The following SGCZ variants were observed in gnomAD, a reference collection of about 807,000 sequenced individuals.
SGCZ encodes the protein zeta-sarcoglycan.
Under a neutral mutation model 41.3 loss-of-function variants are expected in SGCZ, and 40 were observed. The observed-to-expected ratio is 0.97, with a 90% CI of 0.75 to 1.26. The LOEUF (loss-of-function observed/expected upper bound fraction) is 1.26. Ranked by LOEUF, SGCZ falls within the 50% of genes most tolerant of loss-of-function variation. The pLI is 0.00. For synonymous variants in SGCZ, 206 were observed against 137.5 expected, an observed-to-expected ratio of 1.50 and a Z score of -3.49; for missense variants, 552 against 369.8, an observed-to-expected ratio of 1.49 and a Z score of -4.04.
At chr8:14,555,210 G>A (rs950364987) in intron 1 of SGCZ, among the ~76,000 whole-genome samples, 7 of 151,880 alleles carry the variant, frequency 4.6e-5, no homozygotes, top group South Asian at 2.1e-4. Flanking sequence ...CCCTTGGGAG[G>A]CTCAGGTCTA....
At chr8:14,111,003 G>C (rs975398444) in intron 5 of SGCZ, among the ~76,000 whole-genome samples, 2 of 152,012 alleles carry the variant, frequency 1.3e-5, no homozygotes, top group Non-Finnish European at 2.9e-5. Flanking sequence ...GCAGTGAGCT[G>C]AGATTGCACC....
intron 3 of SGCZ, among the ~76,000 whole-genome samples, chr8:14,289,883 G>A (rs183930668): frequency 7.0e-4 from 106 of 151,900 alleles, no homozygotes; most frequent in African/African-American, 2.5e-3. Flanking sequence ...GCATAGCTGG[G>A]GAGGCCTCTG....
At chr8:14,594,930 A>T (rs1186712374) in intron 1 of SGCZ, among the ~76,000 whole-genome samples, 3 of 151,934 alleles carry the variant, frequency 2.0e-5, no homozygotes, top group Non-Finnish European at 4.4e-5. Context: ...TTGATAACTC[A>T]ATAGAGACTT....
intron 1 of SGCZ, among the ~76,000 whole-genome samples, chr8:15,176,337 A>G (rs113606284): frequency 7.9e-5 from 12 of 152,230 alleles, no homozygotes; most frequent in African/African-American, 2.9e-4. Context: ...AACATGTTAC[A>G]TGTTATGTTT....
intron 1 of SGCZ, among the ~76,000 whole-genome samples, chr8:14,723,041 A>G (rs1231285636): frequency 6.6e-6 from 1 of 152,114 alleles, no homozygotes; most frequent in Non-Finnish European, 1.5e-5. Flanking sequence ...GTTTGTTTCT[A>G]TTGTTTATGT....
At chr8:14,160,180 C>T (rs981657) in intron 5 of SGCZ, among the ~76,000 whole-genome samples, 150,078 of 152,336 alleles carry the variant, frequency 0.99, 73,961 homozygotes, top group East Asian at 1. Context: ...AGAAAAAAAA[C>T]AGGTCTAGAT....
chr8:15,007,880 C>T (rs12680576), intron 1 of SGCZ, among the ~76,000 whole-genome samples: 85,418 of 151,900 alleles, frequency 0.56, 24,583 homozygotes, highest in Middle Eastern at 0.67. Flanking sequence ...ATAATCATAA[C>T]GTGTTATAAA....
intron 5 of SGCZ, among the ~76,000 whole-genome samples, chr8:14,131,783 AT>A: frequency 6.6e-6 from 1 of 152,264 alleles, no homozygotes; most frequent in Admixed American, 6.5e-5. Context: ...TTAATATTGT[AT>A]TTTTATAGTA....
At chr8:14,287,251 A>C (rs1305064157) in intron 3 of SGCZ, among the ~76,000 whole-genome samples, 1 of 151,684 alleles carries the variant, frequency 6.6e-6, no homozygotes, top group Non-Finnish European at 1.5e-5. Context: ...ATTACATAAT[A>C]TCAAAAAAAT....
chr8:14,554,396 T>C (rs1358742828), intron 2 of SGCZ, among the ~76,000 whole-genome samples: 2 of 152,022 alleles, frequency 1.3e-5, no homozygotes, highest in Non-Finnish European at 2.9e-5. Flanking sequence ...AAGTATCACT[T>C]CTAAAAGCAG....
chr8:14,102,823 G>A (rs1182946922), intron 6 of SGCZ, among the ~76,000 whole-genome samples: 2 of 152,102 alleles, frequency 1.3e-5, no homozygotes, highest in African/African-American at 2.4e-5. Flanking sequence ...GGTGTGATAA[G>A]TATACTTGCT....
chr8:14,154,352 T>C (rs759919874), intron 5 of SGCZ, among the ~76,000 whole-genome samples: 125 of 151,122 alleles, frequency 8.3e-4, no homozygotes, highest in Middle Eastern at 3.4e-3. Context: ...CTGAGCGACA[T>C]AGCAAGACTC....
At chr8:14,103,776 AT>A (rs796376469) in intron 6 of SGCZ, among the ~76,000 whole-genome samples, 2 of 151,944 alleles carry the variant, frequency 1.3e-5, no homozygotes, top group East Asian at 1.9e-4. Context: ...AAACGTCTGT[AT>A]TTTTTTTATT....
chr8:14,626,396 C>T (rs1307194132), intron 1 of SGCZ, among the ~76,000 whole-genome samples: 5 of 152,046 alleles, frequency 3.3e-5, no homozygotes, highest in Non-Finnish European at 5.9e-5. Context: ...TCTCTCTCCT[C>T]CTACTTTTAG....
chr8:14,327,773 G>A (rs1462978160), intron 2 of SGCZ, among the ~76,000 whole-genome samples: 1 of 152,124 alleles, frequency 6.6e-6, no homozygotes, highest in African/African-American at 2.4e-5. Flanking sequence ...CTCTGTAAAT[G>A]TAGGACTGTT....
At chr8:14,248,237 T>C (rs1303158235) in intron 3 of SGCZ, among the ~76,000 whole-genome samples, 2 of 152,206 alleles carry the variant, frequency 1.3e-5, no homozygotes, top group Middle Eastern at 3.2e-3. Context: ...TTCTGTAGTA[T>C]TGCATGCTTA....
intron 3 of SGCZ, among the ~76,000 whole-genome samples, chr8:14,298,580 A>G (rs1274309365): frequency 6.6e-6 from 1 of 152,034 alleles, no homozygotes; most frequent in Non-Finnish European, 1.5e-5. Flanking sequence ...ACTTAATACC[A>G]TTTATTACAA....
At chr8:14,650,912 ATATT>A (rs1269585809) in intron 1 of SGCZ, among the ~76,000 whole-genome samples, 5 of 152,120 alleles carry the variant, frequency 3.3e-5, no homozygotes, top group Admixed American at 2.0e-4. Flanking sequence ...AAGATGAGAA[ATATT>A]TATAAGGCAG....
chr8:14,999,544 C>G (rs1037018693), intron 1 of SGCZ, among the ~76,000 whole-genome samples: 70 of 152,100 alleles, frequency 4.6e-4, no homozygotes, highest in Middle Eastern at 3.4e-3. Flanking sequence ...TTATTAGGGT[C>G]GAGAAAAAGG....
Sources: gnomAD v4.1 joint callset for allele counts (sites outside exome capture counted in the v4.1 genomes callset) on GRCh38, gnomAD v4.1.1 for gene constraint, MANE v1.5 for transcripts, NCBI Gene and HGNC (gene_info 2026-07-23, HGNC 2026-07-21) for gene names.